ITIH6: variants seen among roughly 807,000 people sequenced by gnomAD.
ITIH6 encodes the protein inter-alpha-trypsin inhibitor heavy chain family member 6, also known as inter-alpha-trypsin inhibitor heavy chain H6.
Under a neutral mutation model 58.2 loss-of-function variants are expected in ITIH6, and 60 were observed. That is an observed-to-expected ratio of 1.03 (90% confidence interval 0.84 to 1.28). The LOEUF is 1.28. Ranked by LOEUF, ITIH6 falls within the 50% of genes most tolerant of loss-of-function variation. The pLI is 0.00. For synonymous variants in ITIH6, 493 were observed against 417.4 expected, an observed-to-expected ratio of 1.18 and a Z score of -2.21; for missense variants, 1,290 against 1,021.1, an observed-to-expected ratio of 1.26 and a Z score of -3.59.
rs140366993 is a variant in ITIH6, at chrX:54,796,947, G to A, written c.252C>T (p.Phe84=). The A allele has an allele frequency of 5.5e-5, 66 of 1,208,446 alleles. No individual in the cohort carries two copies. Among genetic ancestry groups the A allele is most frequent in the Middle Eastern group, 4.6e-4 (2 of 4,365 alleles). ...GACTTTGGAAGCAGACTTACATAGT[G>A]AAATTGGAGATAAAGGCAAGATGAG... ...DLPHLAFISN[F]TMTINNKVYI... The change falls in exon 2 of 13, where the codon TTC becomes TTT. Residue 84 remains phenylalanine (F), a synonymous_variant. Coordinates refer to ENST00000218436, the MANE Select transcript of ITIH6 (RefSeq NM_198510.3).
intron 6 of ITIH6, among the ~76,000 whole-genome samples, chrX:54,765,665 G>A (rs1167027792): frequency 2.9e-5 from 3 of 104,631 alleles, no homozygotes; most frequent in South Asian, 8.9e-4. Flanking sequence ...CTGCAGTGGT[G>A]CAATCTCGGC....
intron 5 of ITIH6, among the ~76,000 whole-genome samples, chrX:54,781,098 G>T (rs183784237): frequency 1.2e-4 from 13 of 111,156 alleles, no homozygotes; most frequent in Admixed American, 4.8e-4. Flanking sequence ...AACTCAAGAT[G>T]GTTTAAAAAC....
rs763797920 is a variant in ITIH6 at position 54,757,297 on chromosome X, G to T, written c.2777C>A (p.Pro926His). Residue 926 changes from proline to histidine, a missense_variant, in exon 8 of 13, where the codon CCC (proline) becomes CAC (histidine). Physicochemically the swap from Pro to His is moderately conservative, Grantham distance 77. Coordinates refer to ENST00000218436, the MANE Select transcript of ITIH6 (RefSeq NM_198510.3). Reference sequence around the variant, plus strand: ...AGTGGGAGTAAAGGGCATGGGGAGGGGTTCTCCAAGGACAGAGGTGGTTGT... The same window carrying T: ...AGTGGGAGTAAAGGGCATGGGGAGGTGTTCTCCAAGGACAGAGGTGGTTGT... ...STTTTSVLGE[P>H]LPMPFTPTLP... 1 of 1,194,051 alleles carries T rather than the reference G, an allele frequency of 8.4e-7. No individual in the cohort carries two copies. The highest frequency in any genetic ancestry group is 3.0e-5 in the East Asian group (1 of 33,661).
intron 6 of ITIH6, among the ~76,000 whole-genome samples, chrX:54,768,210 C>T (rs1928846587): frequency 3.0e-5 from 1 of 33,727 alleles, no homozygotes; most frequent in Admixed American, 4.3e-4. Flanking sequence ...ACTAGGATTG[C>T]AACCCCTGCC....
intron 2 of ITIH6, among the ~76,000 whole-genome samples, chrX:54,794,604 C>A (rs1929407882): frequency 9.0e-6 from 1 of 111,100 alleles, no homozygotes; most frequent in Non-Finnish European, 1.9e-5. Flanking sequence ...GACTCCATAC[C>A]AATCCCCTCC....
In ITIH6 at chrX:54,788,938, T is replaced by A. The variant is rs770475301; in HGVS notation, c.617-289A>T. Among the ~76,000 whole-genome samples the A allele has an allele frequency of 2.7e-5, 3 of 112,389 alleles. No homozygotes were observed. The Admixed American group carries it at 2.8e-4, about 11-fold the overall frequency. The stretch of plus-strand genomic sequence containing the variant: ...GCCCTCACTGGCAACCTCACCCTGC[T>A]TCATTTTCCGTGCAACCTGGGGCCA... On this transcript the variant is annotated intron_variant, in intron 4 of 12. Transcript: ENST00000218436.
chrX:54,768,618 C>T (rs185175553), intron 6 of ITIH6, among the ~76,000 whole-genome samples: 1 of 109,022 alleles, frequency 9.2e-6, no homozygotes, highest in Non-Finnish European at 1.9e-5. Context: ...ATTTGCTTGT[C>T]TGTAAAGTAT....
At chrX:54,756,104 G>A (rs755481357) in intron 8 of ITIH6, among the ~76,000 whole-genome samples, 2 of 111,264 alleles carry the variant, frequency 1.8e-5, no homozygotes, top group African/African-American at 3.3e-5. Flanking sequence ...GTCAATAACT[G>A]AGGATGGATA....
Position 54,758,107 on chromosome X carries a change from AC to A in ITIH6, c.1966del (p.Val656SerfsTer9). ...CACAGGCCTTGATTTGGGGGAGATG[AC>A]CTTGGGCACCAAGGCTGGCTGAGCT... is the stretch of plus-strand genomic sequence containing the variant. ...STAQPALVPK[V>X]ISPKSRPVKP... On this transcript the variant is annotated frameshift_variant, in exon 8 of 13. Transcript: ENST00000218436. LOFTEE classifies it high-confidence loss of function. 8.3e-7 allele frequency: 1 copy of A among 1,211,324 alleles called. No individual in the cohort carries two copies. The highest frequency in any genetic ancestry group is 1.1e-6 in the Non-Finnish European group (1 of 895,391).
chrX:54,793,789 G>A (rs761376521), intron 2 of ITIH6, among the ~76,000 whole-genome samples: 3 of 111,161 alleles, frequency 2.7e-5, no homozygotes, highest in African/African-American at 9.8e-5. Context: ...GGTTGAGTGG[G>A]CCTAGAGAAT....
intron 6 of ITIH6, among the ~76,000 whole-genome samples, chrX:54,763,195 T>G (rs1283842593): frequency 2.7e-5 from 3 of 112,031 alleles, no homozygotes; most frequent in Non-Finnish European, 3.8e-5. Context: ...CTTAAACGGA[T>G]AGGAAATATC....
chrX:54,764,840 C>G (rs1248158487), intron 6 of ITIH6, among the ~76,000 whole-genome samples: 13 of 100,870 alleles, frequency 1.3e-4, no homozygotes, highest in African/African-American at 4.7e-4. Flanking sequence ...GCCACACTGA[C>G]TTCCACAATG....
chrX:54,768,489 A>T (rs1258413890), intron 6 of ITIH6, among the ~76,000 whole-genome samples: 2 of 91,013 alleles, frequency 2.2e-5, no homozygotes, highest in African/African-American at 8.8e-5. Context: ...CCTAGTCTCG[A>T]TGGTCTTTAC....
chrX:54,763,718 C>T (rs1401085121), intron 6 of ITIH6, among the ~76,000 whole-genome samples: 1 of 111,667 alleles, frequency 9.0e-6, no homozygotes, highest in Non-Finnish European at 1.9e-5. Context: ...TCAACTATGT[C>T]CTTACTGATT....
intron 6 of ITIH6, among the ~76,000 whole-genome samples, chrX:54,760,499 T>A (rs1928612138): frequency 9.0e-6 from 1 of 111,628 alleles, no homozygotes; most frequent in Non-Finnish European, 1.9e-5. Flanking sequence ...TGCAGGTTTG[T>A]TACATATGTA....
chrX:54,788,722 G>T, intron 4 of ITIH6, 73 bp from the exon 5 acceptor site: 1 of 870,460 alleles, frequency 1.1e-6, no homozygotes, highest in South Asian at 2.2e-5. Context: ...GGAAAGGGCA[G>T]CACAAAGGGT....
rs746683216 is a variant in ITIH6, at chrX:54,758,642, G to A, written c.1432C>T (p.Arg478Cys). The A allele has an allele frequency of 9.1e-6, 11 of 1,209,880 alleles. No individual in the cohort carries two copies. The South Asian group carries it at 1.6e-4, about 17-fold the overall frequency. The change falls in exon 8 of 13, where the codon CGT (arginine) becomes TGT (cysteine). Residue 478 changes from arginine (R) to cysteine (C), a missense_variant. Coordinates refer to ENST00000218436, the MANE Select transcript of ITIH6 (RefSeq NM_198510.3). Reference sequence around the variant, plus strand: ...ACCAAGCCACCCAGGTAGTTCAGACGCACATCTGCCAGCAGAGGCATGGAG... The same window carrying A: ...ACCAAGCCACCCAGGTAGTTCAGACACACATCTGCCAGCAGAGGCATGGAG... ...EISMPLLADV[R>C]LNYLGGLVGA...
chrX:54,792,174 C>T, intron 2 of ITIH6, 138 bp from the exon 3 acceptor site: 3 of 426,313 alleles, frequency 7.0e-6, no homozygotes, highest in Non-Finnish European at 1.2e-5. Flanking sequence ...TGCCATAAAG[C>T]CCCAGTGTGA....
At chrX:54,764,449 G>A (rs55953140) in intron 6 of ITIH6, among the ~76,000 whole-genome samples, 9,807 of 95,869 alleles carry the variant, frequency 0.1, 595 homozygotes, top group Non-Finnish European at 0.14. Flanking sequence ...GTGATATTCC[G>A]CTTCCTGTGT....
Sources: gnomAD v4.1 joint callset for allele counts (sites outside exome capture counted in the v4.1 genomes callset) on GRCh38, gnomAD v4.1.1 for gene constraint, MANE v1.5 for transcripts, NCBI Gene and HGNC (gene_info 2026-07-23, HGNC 2026-07-21) for gene names.